Variants in MOSPD1 observed in about 807,000 individuals in gnomAD.
MOSPD1 encodes the protein motile sperm domain containing 1, also known as motile sperm domain-containing protein 1.
A neutral mutation model predicts 16.7 loss-of-function variants in MOSPD1; 5 were observed. The ratio of observed to expected loss-of-function variants is 0.30; its 90% confidence interval spans 0.16 to 0.63. The LOEUF (loss-of-function observed/expected upper bound fraction) is 0.63. Among genes scored for constraint, MOSPD1 ranks in the 30% least tolerant of loss-of-function variants. MOSPD1 has a pLI of 0.82. For synonymous variants in MOSPD1, 67 were observed against 59.2 expected, an observed-to-expected ratio of 1.13 and a Z score of -0.61; for missense variants, 104 against 153.6, an observed-to-expected ratio of 0.68 and a Z score of 1.71.
chrX:134,894,360 C>T (rs1569467609), intron 4 of MOSPD1, among the ~76,000 whole-genome samples: 1 of 111,961 alleles, frequency 8.9e-6, no homozygotes, highest in East Asian at 2.8e-4. Flanking sequence ...AACACTGCTG[C>T]ACCTCTAATA....
chrX:134,890,747 G>A (rs1005298832), intron 5 of MOSPD1, among the ~76,000 whole-genome samples: 3 of 111,133 alleles, frequency 2.7e-5, no homozygotes, highest in Non-Finnish European at 5.7e-5. Flanking sequence ...GGCGGGGCTT[G>A]CAGCGAGCCG....
At chrX:134,905,223 G>T (rs1406430845) in intron 1 of MOSPD1, among the ~76,000 whole-genome samples, 1 of 109,045 alleles carries the variant, frequency 9.2e-6, no homozygotes, top group Non-Finnish European at 1.9e-5. Context: ...AATACACCAC[G>T]CCAGGCGTGG....
Position 134,889,212 on chromosome X carries a change from G to A in MOSPD1, c.611-20C>T, listed in dbSNP as rs1569467119. 2 of 1,169,471 alleles carry A rather than the reference G, an allele frequency of 1.7e-6. No homozygotes were observed. The highest frequency in any genetic ancestry group is 2.3e-6 in the Non-Finnish European group (2 of 865,658). ...TAAGACCTGAAAGAAGAAAAATGGA[G>A]AACAGTTAAAGGTATGCACCTAACA... On this transcript the variant is annotated intron_variant, in intron 5 of 5. Coordinates refer to ENST00000370783, the MANE Select transcript of MOSPD1 (RefSeq NM_019556.3).
At chrX:134,893,320 A>G (rs2082870932) in intron 4 of MOSPD1, among the ~76,000 whole-genome samples, 1 of 111,986 alleles carries the variant, frequency 8.9e-6, no homozygotes, top group Non-Finnish European at 1.9e-5. Flanking sequence ...TGCAAGGATG[A>G]ATTCTCAAAG....
intron 1 of MOSPD1, among the ~76,000 whole-genome samples, chrX:134,913,457 G>T (rs1394406568): frequency 1.8e-5 from 2 of 111,590 alleles, no homozygotes; most frequent in Non-Finnish European, 3.8e-5. Context: ...AAGAATAGTA[G>T]CAAATTACTT....
At position 134,893,952 on chromosome X, in the gene MOSPD1, A is replaced by C. The variant is rs186765015; in HGVS notation, c.449-2312T>G. Among the ~76,000 whole-genome samples the C allele has an allele frequency of 2.5e-3, 282 of 112,169 alleles. 1 individual carries two copies. Among genetic ancestry groups the C allele is most frequent in the Non-Finnish European group, 3.8e-3 (200 of 53,248 alleles). On this transcript the variant is annotated intron_variant, in intron 4 of 5. Coordinates refer to ENST00000370783, the MANE Select transcript of MOSPD1 (RefSeq NM_019556.3). ...CATTATAGCATAGACACAGCAGTTC[A>C]TTAATAATGTAATTAAGACAAACCC...
intron 4 of MOSPD1, among the ~76,000 whole-genome samples, chrX:134,891,904 C>T (rs964123775): frequency 1.8e-5 from 2 of 111,779 alleles, no homozygotes; most frequent in African/African-American, 6.5e-5. Context: ...CCAACTCCCC[C>T]GACCATCCCA....
intron 5 of MOSPD1, among the ~76,000 whole-genome samples, chrX:134,890,179 G>A (rs2082855715): frequency 9.0e-6 from 1 of 110,558 alleles, no homozygotes; most frequent in South Asian, 3.9e-4. Context: ...GGAGAACCGG[G>A]CCGCTAGAGG....
chrX:134,910,741 G>A (rs1263686162), intron 1 of MOSPD1, among the ~76,000 whole-genome samples: 1 of 112,064 alleles, frequency 8.9e-6, no homozygotes, highest in East Asian at 2.8e-4. Context: ...CATTGCATAT[G>A]GTTAAAAACA....
intron 1 of MOSPD1, among the ~76,000 whole-genome samples, chrX:134,901,652 A>C (rs2082912055): frequency 9.2e-6 from 1 of 109,067 alleles, no homozygotes; most frequent in East Asian, 2.9e-4. Context: ...CTATCTCAAA[A>C]AAAAGAAAGG....
chrX:134,900,736 C>T (rs112499313), intron 1 of MOSPD1, among the ~76,000 whole-genome samples: 1 of 102,459 alleles, frequency 9.8e-6, no homozygotes, highest in African/African-American at 3.5e-5. Flanking sequence ...CCAAGTGTGC[C>T]TTTTTTTTTT....
intron 1 of MOSPD1, among the ~76,000 whole-genome samples, chrX:134,913,144 G>A (rs933526615): frequency 1.7e-4 from 19 of 110,657 alleles, no homozygotes; most frequent in Non-Finnish European, 3.4e-4. Context: ...GAGACCGAGG[G>A]GGGGCAGATC....
In MOSPD1 at chrX:134,891,539, G is replaced by A. The variant is rs1418672098; in HGVS notation, c.550C>T (p.Leu184=). 8.3e-7 allele frequency: 1 copy of A among 1,211,376 alleles called. No homozygotes were observed. The highest frequency in any genetic ancestry group is 1.8e-5 in the South Asian group (1 of 56,983). ...CTTAAGTGGAGGTAGAGAGGCACCA[G>A]CGATTCCACATCCCCCAGTGTAGGC... ...MLPTLGDVES[L]VPLYLHLSVN... The change falls in exon 5 of 6, where the codon CTG becomes TTG. Residue 184 remains leucine (L), a synonymous_variant. Coordinates refer to ENST00000370783, the MANE Select transcript of MOSPD1 (RefSeq NM_019556.3).
chrX:134,914,885 C>A (rs1264852490), intron 1 of MOSPD1, among the ~76,000 whole-genome samples: 1 of 112,737 alleles, frequency 8.9e-6, no homozygotes, highest in Non-Finnish European at 1.9e-5. Context: ...CGAGAGGCTC[C>A]CGAGCCTGCC....
Position 134,896,889 on chromosome X carries a change from TTTG to T in MOSPD1, c.373_375del (p.Gln125del), listed in dbSNP as rs1569467931. On this transcript the variant is annotated inframe_deletion, in exon 4 of 6. Coordinates refer to ENST00000370783, the MANE Select transcript of MOSPD1 (RefSeq NM_019556.3). Reference sequence around the variant, plus strand: ...TTTAATCTTTTTTCCTCTTCTTCCTTTTGTTGTTCTTTTGCTGATGGGAGAAGA... The same window carrying T: ...TTTAATCTTTTTTCCTCTTCTTCCTTTTGTTCTTTTGCTGATGGGAGAAGA... 8.3e-7 allele frequency: 1 copy of T among 1,210,807 alleles called. No individual in the cohort carries two copies. The highest frequency in any genetic ancestry group is 1.7e-5 in the African/African-American group (1 of 57,833).
intron 3 of MOSPD1, among the ~76,000 whole-genome samples, chrX:134,898,161 G>A (rs113093431): frequency 8.9e-6 from 1 of 111,798 alleles, no homozygotes; most frequent in African/African-American, 3.3e-5. Flanking sequence ...TTACAGGCGT[G>A]AGCCACTGCA....
chrX:134,907,325 T>C (rs771261398), intron 1 of MOSPD1, among the ~76,000 whole-genome samples: 8 of 112,382 alleles, frequency 7.1e-5, no homozygotes, highest in African/African-American at 2.6e-4. Context: ...ATCAGAGTTC[T>C]CAAAGGATGA....
chrX:134,905,451 C>T (rs1042764870), intron 1 of MOSPD1, among the ~76,000 whole-genome samples: 10 of 109,150 alleles, frequency 9.2e-5, no homozygotes, highest in Non-Finnish European at 1.7e-4. Flanking sequence ...GAAGGATATC[C>T]GCGTTTGTCC....
intron 1 of MOSPD1, among the ~76,000 whole-genome samples, chrX:134,906,319 G>A (rs1427276922): frequency 9.4e-6 from 1 of 106,143 alleles, no homozygotes. Flanking sequence ...GCTGGGAATA[G>A]AGGTGCACGC....
Sources: gnomAD v4.1 joint callset for allele counts (sites outside exome capture counted in the v4.1 genomes callset) on GRCh38, gnomAD v4.1.1 for gene constraint, MANE v1.5 for transcripts, NCBI Gene and HGNC (gene_info 2026-07-23, HGNC 2026-07-21) for gene names.